KCNK2: variants seen among roughly 807,000 people sequenced by gnomAD.
The protein encoded by KCNK2 is potassium channel subfamily K member 2.
A neutral mutation model predicts 40.5 loss-of-function variants in KCNK2; 21 were observed. The ratio of observed to expected loss-of-function variants is 0.52; its 90% CI spans 0.37 to 0.75. The LOEUF is 0.75. Among genes scored for constraint, KCNK2 ranks in the 30% least tolerant of loss-of-function variants. The pLI, the probability that KCNK2 is intolerant of heterozygous loss-of-function variation, is 0.00. For missense variants in KCNK2, 399 were observed against 531.6 expected (o/e 0.75, Z 2.45); for synonymous variants, 191 against 202.2 (o/e 0.94, Z 0.47).
intron 1 of KCNK2, among the ~76,000 whole-genome samples, chr1:215,038,408 G>C (rs188542247): frequency 1.4e-4 from 22 of 152,164 alleles, no homozygotes; most frequent in African/African-American, 4.8e-4. Context: ...AGAGAACTGT[G>C]GTAAGAGTTG....
At chr1:215,162,071 C>T (rs994599648) in intron 3 of KCNK2, among the ~76,000 whole-genome samples, 2 of 152,306 alleles carry the variant, frequency 1.3e-5, no homozygotes, top group Admixed American at 6.5e-5. Flanking sequence ...TATTTCTCCA[C>T]AGCCTCTCCA....
chr1:215,212,438 GAA>G (rs1274576599), intron 6 of KCNK2, among the ~76,000 whole-genome samples: 1 of 152,110 alleles, frequency 6.6e-6, no homozygotes, highest in African/African-American at 2.4e-5. Context: ...TTTGAAAGGT[GAA>G]ATCTATGGCT....
intron 1 of KCNK2, among the ~76,000 whole-genome samples, chr1:215,007,311 G>C (rs1205451797): frequency 2.7e-5 from 4 of 146,348 alleles, no homozygotes; most frequent in African/African-American, 1.0e-4. Context: ...AGCCCCCTTT[G>C]CTGAGGGTTG....
intron 1 of KCNK2, among the ~76,000 whole-genome samples, chr1:215,051,894 G>A (rs1321573295): frequency 2.6e-5 from 4 of 152,142 alleles, no homozygotes; most frequent in Admixed American, 6.5e-5. Context: ...AATAGATTTG[G>A]TAATATAAAA....
intron 3 of KCNK2, among the ~76,000 whole-genome samples, chr1:215,135,096 C>G (rs1383523779): frequency 6.6e-6 from 1 of 152,112 alleles, no homozygotes; most frequent in Non-Finnish European, 1.5e-5. Context: ...TAGCATTATA[C>G]TACAACTAAA....
intron 3 of KCNK2, among the ~76,000 whole-genome samples, chr1:215,165,914 T>C (rs1375662553): frequency 6.6e-6 from 1 of 152,164 alleles, no homozygotes; most frequent in Non-Finnish European, 1.5e-5. Context: ...GGAATGGCTA[T>C]AATATACTGC....
At chr1:215,152,077 C>T (rs996745864) in intron 3 of KCNK2, among the ~76,000 whole-genome samples, 2 of 152,112 alleles carry the variant, frequency 1.3e-5, no homozygotes, top group Non-Finnish European at 2.9e-5. Context: ...CCTCACTCCT[C>T]ATTTATCCTT....
chr1:215,170,570 C>T (rs866112356), intron 4 of KCNK2, among the ~76,000 whole-genome samples: 2 of 152,106 alleles, frequency 1.3e-5, no homozygotes, highest in Non-Finnish European at 1.5e-5. Context: ...AATAAAATAT[C>T]GAGTATTGTT....
intron 1 of KCNK2, among the ~76,000 whole-genome samples, chr1:215,070,975 A>T (rs1481473021): frequency 6.6e-6 from 1 of 152,224 alleles, no homozygotes; most frequent in Non-Finnish European, 1.5e-5. Flanking sequence ...AATCAAATCA[A>T]TTATTAATGT....
chr1:215,126,144 A>G (rs1661426889), intron 3 of KCNK2, among the ~76,000 whole-genome samples: 1 of 152,204 alleles, frequency 6.6e-6, no homozygotes. Context: ...ATAAGAGAAC[A>G]TGGAAAATTT....
intron 2 of KCNK2, among the ~76,000 whole-genome samples, chr1:215,117,364 A>G (rs1219923301): frequency 6.6e-6 from 1 of 152,154 alleles, no homozygotes; most frequent in African/African-American, 2.4e-5. Flanking sequence ...TCAGAATAAC[A>G]TTCTAGGCAA....
At chr1:215,221,867 AT>A (rs1666191572) in intron 6 of KCNK2, among the ~76,000 whole-genome samples, 1 of 152,238 alleles carries the variant, frequency 6.6e-6, no homozygotes, top group South Asian at 2.1e-4. Context: ...CTATTCTTGC[AT>A]TGCTATAAAG....
chr1:215,174,145 G>A (rs1322938050), intron 5 of KCNK2, among the ~76,000 whole-genome samples: 1 of 151,960 alleles, frequency 6.6e-6, no homozygotes, highest in Non-Finnish European at 1.5e-5. Context: ...ATTAATTTTT[G>A]TATAAGGTGT....
intron 2 of KCNK2, among the ~76,000 whole-genome samples, chr1:215,108,267 C>A (rs1660526067): frequency 6.6e-6 from 1 of 152,028 alleles, no homozygotes; most frequent in South Asian, 2.1e-4. Context: ...GCTGGGGACC[C>A]CTGTTATAAG....
In KCNK2 at chr1:215,028,300, G is replaced by T. The variant is rs191128899; in HGVS notation, c.34+22345G>T. Among the ~76,000 whole-genome samples, 590 of 152,054 alleles carry T rather than the reference G, an allele frequency of 3.9e-3. 12 individuals carry two copies. The East Asian group carries it at 0.075, about 19-fold the overall frequency. On this transcript the variant is annotated intron_variant, in intron 1 of 6. Coordinates refer to the KCNK2 transcript ENST00000391895. ...CTCAGGAGGCTGAGGCAGGAGAATC[G>T]CTTGAACCCAGGAGGCAGAGGTTGC...
intron 2 of KCNK2, among the ~76,000 whole-genome samples, chr1:215,121,725 A>T (rs1378170282): frequency 6.6e-6 from 1 of 152,242 alleles, no homozygotes. Context: ...AACATATTAA[A>T]ATACACCTGT....
chr1:215,217,063 C>T (rs904329446), intron 6 of KCNK2, among the ~76,000 whole-genome samples: 3 of 152,134 alleles, frequency 2.0e-5, no homozygotes, highest in African/African-American at 7.2e-5. Context: ...ATAAATGTAT[C>T]AATACACATT....
At chr1:215,118,328 T>C (rs776288976) in intron 2 of KCNK2, among the ~76,000 whole-genome samples, 2 of 152,176 alleles carry the variant, frequency 1.3e-5, no homozygotes, top group Non-Finnish European at 2.9e-5. Context: ...ATTTTTGTGC[T>C]GCAACCATAA....
rs535706905 is a variant in KCNK2, at chr1:215,155,594, A to C, written c.476-13605A>C. Among the ~76,000 whole-genome samples the C allele has an allele frequency of 2.6e-5, 4 of 152,248 alleles. No homozygotes were observed. In the South Asian group the frequency reaches 8.3e-4, roughly 32 times the overall value. On this transcript the variant is annotated intron_variant, in intron 3 of 6. Coordinates refer to ENST00000444842, the MANE Select transcript of KCNK2 (RefSeq NM_001017425.3). ...GAGTGCAGTGGCGCGATCTCGGCTC[A>C]CTGCAACCTCTGCCTCCTGGGTTCA...
Sources: gnomAD v4.1 joint callset for allele counts (sites outside exome capture counted in the v4.1 genomes callset) on GRCh38, gnomAD v4.1.1 for gene constraint, MANE v1.5 for transcripts, NCBI Gene and HGNC (gene_info 2026-07-23, HGNC 2026-07-21) for gene names.